Variants in FBN3 observed in about 807,000 individuals in gnomAD.
FBN3 encodes fibrillin-3.
FBN3 carries 234 observed loss-of-function variants against 330.1 expected under a neutral mutation model. The observed-to-expected ratio is 0.71, with a 90% CI of 0.64 to 0.79. The LOEUF (loss-of-function observed/expected upper bound fraction) is 0.79. Ranked by LOEUF, FBN3 falls within the 30% of genes least tolerant of loss-of-function variation. The pLI is 0.00. For missense variants in FBN3, 3,606 were observed against 3,886.9 expected (o/e 0.93, Z 1.92); for synonymous variants, 1,458 against 1,517.3 (o/e 0.96, Z 0.91).
intron 6 of FBN3, 40 bp downstream of exon 6, chr19:8,144,837 C>T (rs375334826): frequency 1.9e-5 from 28 of 1,500,964 alleles, no homozygotes; most frequent in Non-Finnish European, 2.4e-5. Context: ...TTTCCTCCAT[C>T]GAGTCCCCTG....
At chr19:8,116,876 C>A in intron 28 of FBN3, 77 bp from the exon 29 acceptor site, 1 of 1,533,750 alleles carries the variant, frequency 6.5e-7, no homozygotes, top group Non-Finnish European at 8.9e-7. Flanking sequence ...CCCCAGGCCC[C>A]AGGACGACCT....
At chr19:8,097,689 G>C (rs1422223472) in intron 41 of FBN3, among the ~76,000 whole-genome samples, 1 of 152,180 alleles carries the variant, frequency 6.6e-6, no homozygotes, top group African/African-American at 2.4e-5. Context: ...GGAAAGAAAT[G>C]GCCTTAAGCG....
At chr19:8,099,916 A>C (rs2082291334) in intron 41 of FBN3, among the ~76,000 whole-genome samples, 1 of 151,550 alleles carries the variant, frequency 6.6e-6, no homozygotes, top group Non-Finnish European at 1.5e-5. Context: ...AGGCTGAGGC[A>C]GGAGAATCGC....
At chr19:8,099,202 G>A (rs1369599320) in intron 41 of FBN3, among the ~76,000 whole-genome samples, 1 of 151,232 alleles carries the variant, frequency 6.6e-6, no homozygotes, top group East Asian at 1.9e-4. Context: ...GCATAAGAAC[G>A]TCCAGAGAGG....
rs1316848740 is a variant in FBN3, at chr19:8,129,686, G to A, written c.2045-321C>T. Among the ~76,000 whole-genome samples, 1 of 152,126 alleles carries A rather than the reference G, an allele frequency of 6.6e-6. No homozygotes were observed. The highest frequency in any genetic ancestry group is 2.4e-5 in the African/African-American group (1 of 41,426). On this transcript the variant is annotated intron_variant, in intron 16 of 63. Transcript: ENST00000600128. The surrounding 1 kb of genome is among the most constrained non-coding windows in gnomAD (Gnocchi z 4.5). ...ACTCCAGACATTGTCAAATGACCTC[G>A]GTGGGGCAGGGGCCAAATTATCTCC... is the stretch of plus-strand genomic sequence containing the variant.
chr19:8,094,500 A>T lies in FBN3; in HGVS notation c.5851T>A (p.Ser1951Thr). The T allele has an allele frequency of 1.2e-6, 2 of 1,613,904 alleles. No individual in the cohort carries two copies. ...LPGTCQNLEG[S>T]FRCICPPGFQ... ...CCAGGGGGACAGATGCAGCGGAAGG[A>T]GCCCTCGAGGTTCTGGCAAGTGCCG... is the stretch of plus-strand genomic sequence containing the variant. Residue 1951 changes from serine (S) to threonine (T), a missense_variant, in exon 47 of 64, where the codon TCC (serine) becomes ACC (threonine). By Grantham distance (58) the Ser-to-Thr change is moderately conservative. Transcript: ENST00000600128.
At chr19:8,105,349 C>T (rs369937429) in intron 38 of FBN3, among the ~76,000 whole-genome samples, 64 of 151,678 alleles carry the variant, frequency 4.2e-4, no homozygotes, top group African/African-American at 1.5e-3. Context: ...CCTCGACTTC[C>T]GAGGCTCAAG....
At chr19:8,085,087 C>A (rs922365003) in intron 56 of FBN3, among the ~76,000 whole-genome samples, 7 of 152,140 alleles carry the variant, frequency 4.6e-5, no homozygotes, top group African/African-American at 1.7e-4. Flanking sequence ...TGCACTCCAG[C>A]CTGGGTGTCA....
At chr19:8,132,850 T>G (rs536036194) in intron 14 of FBN3, 134 bp downstream of exon 14, 3 of 1,046,734 alleles carry the variant, frequency 2.9e-6, no homozygotes, top group Middle Eastern at 3.1e-4. Flanking sequence ...CCTCCTCTTT[T>G]TCTCCCTGCC....
At chr19:8,102,222 A>AT (rs34859984) in intron 40 of FBN3, among the ~76,000 whole-genome samples, 37,658 of 145,986 alleles carry the variant, frequency 0.26, 5,344 homozygotes, top group East Asian at 0.5. Context: ...TTATTTTTTT[A>AT]TTTTTTTTTT....
chr19:8,086,479 C>T (rs1164236754), intron 54 of FBN3, among the ~76,000 whole-genome samples, 154 bp from the exon 55 acceptor site: 2 of 128,442 alleles, frequency 1.6e-5, no homozygotes, highest in Non-Finnish European at 3.5e-5. Flanking sequence ...TTTTTTGAGA[C>T]AGAGTCTCGC....
chr19:8,094,460 C>T lies in FBN3; in HGVS notation c.5891G>A (p.Ser1964Asn), dbSNP rs760059313. ...CICPPGFQVQ[S>N]DHCIDIDECS... Reference sequence around the variant, plus strand: ...TGGACACTCACCAATGCAGTGGTCACTCTGCACCTGGAAGCCAGGGGGACA... The same window carrying T: ...TGGACACTCACCAATGCAGTGGTCATTCTGCACCTGGAAGCCAGGGGGACA... Residue 1964 changes from serine to asparagine, a missense_variant, in exon 47 of 64, where the codon AGT (serine) becomes AAT (asparagine). Physicochemically the swap from Ser to Asn is conservative, Grantham distance 46. Coordinates refer to ENST00000600128, the MANE Select transcript of FBN3 (RefSeq NM_032447.5). 7 of 1,613,412 alleles carry T rather than the reference C, an allele frequency of 4.3e-6. No individual in the cohort carries two copies. Among genetic ancestry groups the T allele is most frequent in the Non-Finnish European group, 5.1e-6 (6 of 1,179,694 alleles).
At chr19:8,066,665 G>C (rs2081398256) in intron 63 of FBN3, among the ~76,000 whole-genome samples, 2 of 152,098 alleles carry the variant, frequency 1.3e-5, no homozygotes, top group African/African-American at 4.8e-5. Context: ...TGGATCACAA[G>C]GTCAGGAGTT....
intron 13 of FBN3, among the ~76,000 whole-genome samples, chr19:8,133,473 CAG>C (rs1218015531): frequency 6.7e-6 from 1 of 150,290 alleles, no homozygotes; most frequent in Non-Finnish European, 1.5e-5. Context: ...TTTTTTGAGA[CAG>C]AGTCTCGCTC....
chr19:8,123,498 G>T lies in FBN3; in HGVS notation c.3048C>A (p.Gly1016=). The part of the protein sequence containing the change: ...VGSFHCACAG[G]FALDAQERNC... ...TCCGTTCCTGGGCATCCAGGGCGAA[G>T]CCCCCCGCACAGGCGCAGTGGAAGC... Residue 1016 remains glycine (G), a synonymous_variant, in exon 24 of 64, where the codon GGC becomes GGA. Coordinates refer to ENST00000600128, the MANE Select transcript of FBN3 (RefSeq NM_032447.5). 1 of 1,614,090 alleles carries T rather than the reference G, an allele frequency of 6.2e-7. No individual in the cohort carries two copies. Among genetic ancestry groups the T allele is most frequent in the Non-Finnish European group, 8.5e-7 (1 of 1,179,976 alleles).
At chr19:8,110,437 G>A (rs1204414738) in intron 34 of FBN3, among the ~76,000 whole-genome samples, 1 of 152,150 alleles carries the variant, frequency 6.6e-6, no homozygotes, top group African/African-American at 2.4e-5. Flanking sequence ...TCCACCACCT[G>A]TTTGTGTCAA....
chr19:8,116,930 G>C, intron 28 of FBN3, 131 bp from the exon 29 acceptor site: 1 of 1,237,704 alleles, frequency 8.1e-7, no homozygotes, highest in South Asian at 1.5e-5. Flanking sequence ...TAGTCTGGGG[G>C]CGCTCAAGCA....
intron 59 of FBN3, 129 bp downstream of exon 59, chr19:8,080,874 A>C (rs2081762806): frequency 1.5e-6 from 1 of 658,478 alleles, no homozygotes; most frequent in Non-Finnish European, 2.7e-6. Context: ...CACCCGCTTC[A>C]GCTTTCCAAA....
chr19:8,144,101 G>A (rs1461166935), intron 6 of FBN3, among the ~76,000 whole-genome samples: 5 of 151,954 alleles, frequency 3.3e-5, no homozygotes, highest in East Asian at 3.9e-4. Context: ...TATCTTAGCC[G>A]TCTTAAAAAT....
Sources: gnomAD v4.1 joint callset for allele counts (sites outside exome capture counted in the v4.1 genomes callset) on GRCh38, gnomAD v4.1.1 for gene constraint, Gnocchi (gnomAD v3.1) non-coding constraint, MANE v1.5 for transcripts, NCBI Gene and HGNC (gene_info 2026-07-23, HGNC 2026-07-21) for gene names.